The following PLCL1 variants were observed in gnomAD, a reference collection of about 807,000 sequenced individuals.
The protein encoded by PLCL1 is inactive phospholipase C-like protein 1.
A neutral mutation model predicts 84.4 loss-of-function variants in PLCL1; 41 were observed. The ratio of observed to expected loss-of-function variants is 0.49; its 90% confidence interval spans 0.38 to 0.63. The LOEUF is 0.63. Among genes scored for constraint, PLCL1 ranks in the 30% least tolerant of loss-of-function variants. The pLI, the probability that PLCL1 is intolerant of heterozygous loss-of-function variation, is 0.00. For missense variants in PLCL1, 1,206 were observed against 1,367.8 expected (o/e 0.88, Z 1.87); for synonymous variants, 490 against 488.3 (o/e 1.00, Z -0.05).
At chr2:197,912,889 C>T (rs1373517212) in intron 1 of PLCL1, among the ~76,000 whole-genome samples, 1 of 142,352 alleles carries the variant, frequency 7.0e-6, no homozygotes, top group Non-Finnish European at 1.5e-5. Flanking sequence ...CAGCATGGCA[C>T]ATGTATACAT....
In PLCL1 at chr2:197,805,077, G is replaced by A; in HGVS notation, c.-23G>A. The A allele has an allele frequency of 7.0e-7, 1 of 1,423,420 alleles. No homozygotes were observed. The highest frequency in any genetic ancestry group is 9.1e-7 in the Non-Finnish European group (1 of 1,094,350). The allele number at this position is 1,423,420 out of a possible 1,614,324, so 88.2% of individuals were successfully genotyped here. A position where few individuals can be genotyped will look rare whatever the true frequency, so the allele number is the denominator to read the frequency against. On this transcript the variant is annotated 5_prime_UTR_variant, in exon 1 of 6. Coordinates refer to ENST00000428675, the MANE Select transcript of PLCL1 (RefSeq NM_006226.4). The surrounding 1 kb of genome is among the most constrained non-coding windows in gnomAD (Gnocchi z 4.0). ...CTGCCGGGCGTCCCGCTTTCCCCCG[G>A]GGAGCCCTAAACGCTCCAGGCCATG...
At chr2:197,992,611 T>C (rs766700709) in intron 1 of PLCL1, among the ~76,000 whole-genome samples, 1 of 152,148 alleles carries the variant, frequency 6.6e-6, no homozygotes, top group African/African-American at 2.4e-5. Context: ...AGTGTATCTA[T>C]AGTGTAGTGC....
intron 1 of PLCL1, among the ~76,000 whole-genome samples, chr2:197,931,537 A>G (rs886728549): frequency 1.3e-5 from 2 of 152,124 alleles, no homozygotes; most frequent in Admixed American, 1.3e-4. Flanking sequence ...CAGTACCTTT[A>G]TACAAATGAT....
intron 5 of PLCL1, 65 bp from the exon 6 acceptor site, chr2:198,146,715 A>G (rs1447481096): frequency 1.1e-5 from 15 of 1,344,096 alleles, no homozygotes; most frequent in African/African-American, 2.9e-5. Flanking sequence ...ACATAGAGTG[A>G]TGTCACTCAG....
chr2:197,993,700 C>G (rs893864727), intron 1 of PLCL1, among the ~76,000 whole-genome samples: 7 of 152,174 alleles, frequency 4.6e-5, no homozygotes, highest in African/African-American at 1.7e-4. Context: ...CCTGTGCTAA[C>G]CCAGCAGGGA....
At chr2:197,835,611 GCTTT>G (rs1691171176) in intron 1 of PLCL1, among the ~76,000 whole-genome samples, 2 of 152,134 alleles carry the variant, frequency 1.3e-5, no homozygotes, top group Non-Finnish European at 2.9e-5. Context: ...GGAGCCAAAC[GCTTT>G]CTGTCATATT....
At chr2:197,975,280 T>G (rs1574977983) in intron 1 of PLCL1, among the ~76,000 whole-genome samples, 1 of 41,886 alleles carries the variant, frequency 2.4e-5, no homozygotes, top group African/African-American at 1.2e-4. Context: ...AAGGTAGGTA[T>G]TTTTATTTCC....
At chr2:197,829,108 T>G (rs1391409908) in intron 1 of PLCL1, among the ~76,000 whole-genome samples, 1 of 152,190 alleles carries the variant, frequency 6.6e-6, no homozygotes, top group Non-Finnish European at 1.5e-5. Context: ...TAGTACAATT[T>G]AGGCAAAATT....
chr2:197,916,287 T>C (rs1026430071), intron 1 of PLCL1, among the ~76,000 whole-genome samples: 1 of 152,242 alleles, frequency 6.6e-6, no homozygotes, highest in African/African-American at 2.4e-5. Flanking sequence ...TTTTTAGCTT[T>C]TTATCTTTCT....
At chr2:197,836,164 T>C (rs1691182480) in intron 1 of PLCL1, among the ~76,000 whole-genome samples, 1 of 152,174 alleles carries the variant, frequency 6.6e-6, no homozygotes, top group African/African-American at 2.4e-5. Context: ...ATTTTCCTAT[T>C]AAAATTATTT....
intron 1 of PLCL1, among the ~76,000 whole-genome samples, chr2:198,032,334 T>TA (rs371577746): frequency 0.022 from 3,247 of 149,532 alleles, 86 homozygotes; most frequent in African/African-American, 0.072. Flanking sequence ...ATGAGAATAA[T>TA]AAAAAAAAAA....
chr2:197,876,918 A>G (rs1687745444), intron 1 of PLCL1, among the ~76,000 whole-genome samples: 1 of 152,160 alleles, frequency 6.6e-6, no homozygotes, highest in Non-Finnish European at 1.5e-5. Context: ...GTAAAGCTCT[A>G]AGGCAGCAAA....
chr2:197,904,189 A>G (rs904803065), intron 1 of PLCL1, among the ~76,000 whole-genome samples: 1 of 152,200 alleles, frequency 6.6e-6, no homozygotes, highest in Non-Finnish European at 1.5e-5. Flanking sequence ...AATAAAACAA[A>G]CATCTGGTGT....
chr2:198,018,580 C>T (rs1427388325), intron 1 of PLCL1, among the ~76,000 whole-genome samples: 1 of 152,170 alleles, frequency 6.6e-6, no homozygotes, highest in African/African-American at 2.4e-5. Context: ...CTTGAGTAGG[C>T]AGTTTTCCCC....
At position 198,089,050 on chromosome 2, in the gene PLCL1, G is replaced by A. The variant is rs764146731; in HGVS notation, c.2908G>A (p.Ala970Thr). ...AGATGTGCAGAAAAAGATGCTGACT[G>A]CTTATGATCTGGTAGGAAATTGCGA... is the stretch of plus-strand genomic sequence containing the variant. ...IPDVQKKMLT[A>T]YDLMIQESRF... Residue 970 changes from alanine (A) to threonine (T), a missense_variant, in exon 3 of 6, where the codon GCT becomes ACT. Coordinates refer to ENST00000428675, the MANE Select transcript of PLCL1 (RefSeq NM_006226.4). 1.9e-6 allele frequency: 3 copies of A among 1,613,166 alleles called. No homozygotes were observed. Among genetic ancestry groups the A allele is most frequent in the Non-Finnish European group, 2.5e-6 (3 of 1,179,204 alleles).
chr2:197,957,587 A>G (rs955835034), intron 1 of PLCL1, among the ~76,000 whole-genome samples: 1 of 152,032 alleles, frequency 6.6e-6, no homozygotes, highest in Non-Finnish European at 1.5e-5. Context: ...TCTTGGATAT[A>G]GTTGCCAGTT....
intron 1 of PLCL1, among the ~76,000 whole-genome samples, chr2:197,936,801 G>A (rs957578691): frequency 1.3e-5 from 2 of 151,928 alleles, no homozygotes; most frequent in African/African-American, 2.4e-5. Context: ...TGCTTTTAAG[G>A]TGCTTAAGGT....
intron 1 of PLCL1, among the ~76,000 whole-genome samples, chr2:197,858,811 C>A (rs1687377991): frequency 6.6e-6 from 1 of 152,104 alleles, no homozygotes; most frequent in African/African-American, 2.4e-5. Flanking sequence ...CTTGGTGGTT[C>A]TTCTGCTGAT....
intron 1 of PLCL1, among the ~76,000 whole-genome samples, chr2:197,844,423 C>T (rs1687079961): frequency 6.6e-6 from 1 of 152,054 alleles, no homozygotes; most frequent in Non-Finnish European, 1.5e-5. Context: ...GTGAGATTTA[C>T]CTGTATTTTT....
Sources: allele counts gnomAD v4.1 joint callset (sites outside exome capture counted in the v4.1 genomes callset), GRCh38; gene constraint gnomAD v4.1.1; non-coding constraint Gnocchi (gnomAD v3.1); transcripts MANE v1.5; gene names NCBI Gene and HGNC (gene_info 2026-07-23, HGNC 2026-07-21).